SSU72: variants seen among roughly 807,000 people sequenced by gnomAD.
SSU72 encodes SSU72 homolog, RNA polymerase II CTD phosphatase.
SSU72 carries 12 observed loss-of-function variants against 22.7 expected under a neutral mutation model. That is an observed-to-expected ratio of 0.53 (90% confidence interval 0.34 to 0.86). The LOEUF is 0.86. Ranked by LOEUF, SSU72 falls within the 40% of genes least tolerant of loss-of-function variation. The pLI, the probability that SSU72 is intolerant of heterozygous loss-of-function variation, is 0.02. For missense variants in SSU72, 151 were observed against 249.8 expected, an observed-to-expected ratio of 0.60 and a Z score of 2.67; for synonymous variants, 116 against 98.3, an observed-to-expected ratio of 1.18 and a Z score of -1.06.
chr1:1,543,134 C>G (rs545361334), intron 4 of SSU72, among the ~76,000 whole-genome samples: 1 of 152,362 alleles, frequency 6.6e-6, no homozygotes, highest in East Asian at 1.9e-4. Context: ...AGCACCTCCA[C>G]GCCGCAGCAG....
chr1:1,564,715 T>C, intron 2 of SSU72, 58 bp downstream of exon 2: 1 of 1,614,202 alleles, frequency 6.2e-7, no homozygotes, highest in Non-Finnish European at 8.5e-7. Flanking sequence ...GAGCCACACG[T>C]AACACCTTCC....
chr1:1,550,182 A>G (rs1247644776), intron 2 of SSU72, among the ~76,000 whole-genome samples: 2 of 149,854 alleles, frequency 1.3e-5, no homozygotes, highest in African/African-American at 4.9e-5. Context: ...TCAAAAAAAA[A>G]AAAAAAAAAG....
intron 2 of SSU72, among the ~76,000 whole-genome samples, chr1:1,552,279 A>C (rs2100709824): frequency 6.6e-6 from 1 of 152,222 alleles, no homozygotes; most frequent in South Asian, 2.1e-4. Context: ...ATTTTTCTCA[A>C]AGGTAACCAC....
intron 2 of SSU72, among the ~76,000 whole-genome samples, chr1:1,549,901 AGGT>A (rs1239464074): frequency 6.7e-6 from 1 of 149,274 alleles, no homozygotes; most frequent in African/African-American, 2.5e-5. Flanking sequence ...TGAACCCAGG[AGGT>A]GGAGGTTGCA....
intron 2 of SSU72, chr1:1,563,044 A>C (rs1221827012): frequency 6.6e-6 from 1 of 152,430 alleles, no homozygotes. Context: ...TGGGGAGCTG[A>C]CAGCAGACGC....
At chr1:1,572,361 G>C (rs1278880927) in intron 1 of SSU72, among the ~76,000 whole-genome samples, 1 of 147,658 alleles carries the variant, frequency 6.8e-6, no homozygotes, top group Non-Finnish European at 1.5e-5. Context: ...CCAGGAGGCG[G>C]AGCTTGCAGT....
At position 1,547,676 on chromosome 1, in the gene SSU72, G is replaced by T. The variant is rs144826872; in HGVS notation, c.225-2674C>A. ...GCAAAGGCTCAGAGCAAGGCGAGAG[G>T]ACAGGAGCCGCTGGCGGGTGAGGCG... On this transcript the variant is annotated intron_variant, in intron 2 of 4. Transcript: ENST00000291386. 7.2e-3 allele frequency among the ~76,000 whole-genome samples: 1,092 copies of T among 152,382 alleles called. 6 individuals are homozygous for T. The highest frequency in any genetic ancestry group is 0.013 in the Non-Finnish European group (856 of 68,042).
intron 1 of SSU72, among the ~76,000 whole-genome samples, chr1:1,570,874 G>GGC (rs1464848059): frequency 1.3e-5 from 2 of 152,106 alleles, no homozygotes; most frequent in Non-Finnish European, 2.9e-5. Flanking sequence ...CACTTTGGGA[G>GGC]GCCAAGGCGG....
At chr1:1,558,360 C>G (rs1642545842) in intron 2 of SSU72, among the ~76,000 whole-genome samples, 1 of 152,086 alleles carries the variant, frequency 6.6e-6, no homozygotes, top group African/African-American at 2.4e-5. Context: ...AGAGAGACGC[C>G]CTGTCTCAAA....
rs765236544 is a variant in SSU72, at chr1:1,543,859, G to A, written c.483+10C>T. 9.3e-6 allele frequency: 15 copies of A among 1,606,414 alleles called. No homozygotes were observed. In the South Asian group the frequency reaches 9.9e-5, roughly 11 times the overall value. Reference sequence around the variant, plus strand: ...CCTCTGCCCAGCGCGGCGCCCAGCCGGGTACTTACACACTGGCAGAGCTCA... The same window carrying A: ...CCTCTGCCCAGCGCGGCGCCCAGCCAGGTACTTACACACTGGCAGAGCTCA... On this transcript the variant is annotated intron_variant, in intron 4 of 4. Transcript: ENST00000291386.
chr1:1,555,720 G>A (rs532338425), intron 2 of SSU72, among the ~76,000 whole-genome samples: 6 of 152,268 alleles, frequency 3.9e-5, no homozygotes, highest in Admixed American at 1.3e-4. Flanking sequence ...CATCTGGGCC[G>A]GGCACAGTGG....
chr1:1,568,019 G>C (rs1642683184), intron 1 of SSU72, among the ~76,000 whole-genome samples: 2 of 151,814 alleles, frequency 1.3e-5, no homozygotes, highest in Admixed American at 1.3e-4. Flanking sequence ...CCACCTGCTG[G>C]ACGTTCCTTT....
chr1:1,565,034 A>G (rs760307959), intron 1 of SSU72, 118 bp from the exon 2 acceptor site: 6 of 1,355,894 alleles, frequency 4.4e-6, no homozygotes, highest in Non-Finnish European at 5.9e-6. Flanking sequence ...ATAGTAGAGA[A>G]TATGTCTTCA....
Position 1,541,942 on chromosome 1 carries a change from T to G in SSU72, c.*124A>C. On this transcript the variant is annotated 3_prime_UTR_variant, in exon 5 of 5. Transcript: ENST00000291386. ...TTGGCATCTCCTCTCCCATTTCATA[T>G]GCACAGTTTATTTGGGTAATGCTAC... is the stretch of plus-strand genomic sequence containing the variant. The G allele has an allele frequency of 1.2e-6, 1 of 857,394 alleles. No homozygotes were observed. The highest frequency in any genetic ancestry group is 1.8e-6 in the Non-Finnish European group (1 of 548,964). 53.1% of individuals were successfully genotyped at this position (857,394 alleles called of 1,614,324 possible).
In SSU72 at chr1:1,574,369, C is replaced by G. The variant is rs1365105236; in HGVS notation, c.80+109G>C. On this transcript the variant is annotated intron_variant, in intron 1 of 4. Transcript: ENST00000291386. Reference sequence around the variant, plus strand: ...CAACCAGCCGACCCACGAGCGCGGCCCGGCCCGGCTTCCTCTCAGGGGTCC... The same window carrying G: ...CAACCAGCCGACCCACGAGCGCGGCGCGGCCCGGCTTCCTCTCAGGGGTCC... 1.2e-5 allele frequency: 15 copies of G among 1,228,480 alleles called. No homozygotes were observed. The Admixed American group carries it at 3.6e-4, about 29-fold the overall frequency. 76.1% of individuals were successfully genotyped at this position (1,228,480 alleles called of 1,614,324 possible). A position where few individuals can be genotyped will look rare whatever the true frequency, so the allele number is the denominator to read the frequency against.
At chr1:1,567,859 GCCGAGA>G in intron 1 of SSU72, among the ~76,000 whole-genome samples, 1 of 147,200 alleles carries the variant, frequency 6.8e-6, no homozygotes, top group South Asian at 2.2e-4. Flanking sequence ...GTTGCAGTGA[GCCGAGA>G]TCGCGCCATT....
chr1:1,574,364 GCGGCC>G, intron 1 of SSU72, 109 bp downstream of exon 1: 1 of 1,148,560 alleles, frequency 8.7e-7, no homozygotes, highest in Non-Finnish European at 1.2e-6. Context: ...ACCCACGAGC[GCGGCC>G]CGGCCCGGCT....
intron 2 of SSU72, among the ~76,000 whole-genome samples, chr1:1,560,660 G>A (rs1014020122): frequency 2.6e-5 from 4 of 152,160 alleles, no homozygotes; most frequent in African/African-American, 9.7e-5. Flanking sequence ...TTACCAGCAG[G>A]CAACCTCACA....
At position 1,543,670 on chromosome 1, in the gene SSU72, ACTCCC is replaced by A; in HGVS notation, c.483+194_483+198del. 1.7e-5 allele frequency: 8 copies of A among 483,586 alleles called. 1 individual carries two copies. Among genetic ancestry groups the A allele is most frequent in the East Asian group, 1.2e-4 (3 of 24,072 alleles). 30.0% of individuals were successfully genotyped at this position (483,586 alleles called of 1,614,324 possible). A position where few individuals can be genotyped will look rare whatever the true frequency, so the allele number is the denominator to read the frequency against. On this transcript the variant is annotated intron_variant, in intron 4 of 4. Transcript: ENST00000291386. ...ACTCCCCTCTGTCACGGCCTCGGCC[ACTCCC>A]CACTGTCACGGCCTCGGCCACTCCC...
Sources: allele counts gnomAD v4.1 joint callset (sites outside exome capture counted in the v4.1 genomes callset), GRCh38; gene constraint gnomAD v4.1.1; transcripts MANE v1.5; gene names NCBI Gene and HGNC (gene_info 2026-07-23, HGNC 2026-07-21).